BAIAP2L2: variants seen among roughly 807,000 people sequenced by gnomAD.
BAIAP2L2 encodes the protein BAR/IMD domain-containing adapter protein 2-like 2.
A neutral mutation model predicts 60.4 loss-of-function variants in BAIAP2L2; 65 were observed. The ratio of observed to expected loss-of-function variants is 1.08; its 90% CI spans 0.88 to 1.32. The LOEUF is 1.32. Among genes scored for constraint, BAIAP2L2 ranks in the 40% most tolerant of loss-of-function variants. BAIAP2L2 has a pLI of 0.00. For synonymous variants in BAIAP2L2, 344 were observed against 301.7 expected (o/e 1.14, Z -1.45); for missense variants, 836 against 741.2 (o/e 1.13, Z -1.48).
chr22:38,086,210 G>A, intron 12 of BAIAP2L2, 32 bp downstream of exon 12: 1 of 1,598,400 alleles, frequency 6.3e-7, no homozygotes, highest in Non-Finnish European at 8.5e-7. Flanking sequence ...CTGCCCGCTG[G>A]AGGCCCCAAG....
chr22:38,096,592 T>C (rs1377169873), intron 7 of BAIAP2L2, among the ~76,000 whole-genome samples: 2 of 151,916 alleles, frequency 1.3e-5, no homozygotes, highest in African/African-American at 2.4e-5. Flanking sequence ...GAGGGAGAGG[T>C]TGCAGTGAGC....
In BAIAP2L2 at chr22:38,098,169, T is replaced by C; in HGVS notation, c.359A>G (p.Gln120Arg). ...GTGGCGGTACTCGAGCTCATAGTGC[T>C]GGCGGCTGTCCTGGGGTAGGGTGGA... ...LDMQFIKDSR[Q>R]HYELEYRHRA... is the part of the protein sequence containing the mutation. Residue 120 changes from glutamine to arginine, a missense_variant, in exon 6 of 14, where the codon CAG (glutamine) becomes CGG (arginine). Gln to Arg is a conservative substitution (Grantham distance 43). Coordinates refer to ENST00000381669, the MANE Select transcript of BAIAP2L2 (RefSeq NM_025045.6). 4 of 1,614,110 alleles carry C rather than the reference T, an allele frequency of 2.5e-6. No homozygotes were observed. Among genetic ancestry groups the C allele is most frequent in the Non-Finnish European group, 3.4e-6 (4 of 1,180,026 alleles).
intron 2 of BAIAP2L2, among the ~76,000 whole-genome samples, chr22:38,108,845 G>A (rs1032123281): frequency 6.6e-6 from 1 of 151,976 alleles, no homozygotes; most frequent in African/African-American, 2.4e-5. Context: ...GCTGCCCTGG[G>A]GCTGTGTGGG....
At chr22:38,087,096 C>A in intron 11 of BAIAP2L2, 28 bp downstream of exon 11, 1 of 1,516,834 alleles carries the variant, frequency 6.6e-7, no homozygotes, top group Non-Finnish European at 8.8e-7. Context: ...CGTCCTCACC[C>A]CCGCCCCACC....
intron 3 of BAIAP2L2, 120 bp downstream of exon 3, chr22:38,108,133 CAA>C: frequency 9.4e-7 from 1 of 1,068,142 alleles, no homozygotes; most frequent in Non-Finnish European, 1.4e-6. Flanking sequence ...GGCCCCAGAA[CAA>C]GAGTCTGGCT....
chr22:38,101,125 C>T (rs1407798442), intron 4 of BAIAP2L2, among the ~76,000 whole-genome samples: 1 of 151,806 alleles, frequency 6.6e-6, no homozygotes, highest in Non-Finnish European at 1.5e-5. Flanking sequence ...GTAAACTTTA[C>T]CTCAGTAGAA....
chr22:38,086,377 C>G lies in BAIAP2L2; in HGVS notation c.1332G>C (p.Ser444=). ...LDRPGNSIAP[S]EYWDGQSRSR... is the part of the protein sequence containing the mutation. ...AGCGGGACTGGCCATCCCAGTACTC[C>G]GAGGGTGCTATGGAGTTGCCCGGCC... The change falls in exon 12 of 14, where the codon TCG becomes TCC. Residue 444 remains serine (S), a synonymous_variant. Coordinates refer to ENST00000381669, the MANE Select transcript of BAIAP2L2 (RefSeq NM_025045.6). 1.3e-6 allele frequency: 1 copy of G among 764,866 alleles called. No individual in the cohort carries two copies. Among genetic ancestry groups the G allele is most frequent in the Non-Finnish European group, 1.9e-6 (1 of 520,174 alleles). 47.4% of individuals were successfully genotyped at this position (764,866 alleles called of 1,614,324 possible). A position where few individuals can be genotyped will look rare whatever the true frequency, so the allele number is the denominator to read the frequency against.
At position 38,086,953 on chromosome 22, in the gene BAIAP2L2, G is replaced by A. The variant is rs184841352; in HGVS notation, c.1259+171C>T. Among the ~76,000 whole-genome samples, 896 of 145,414 alleles carry A rather than the reference G, an allele frequency of 6.2e-3. 5 individuals carry two copies. The highest frequency in any genetic ancestry group is 0.021 in the African/African-American group (824 of 38,548). ...AGAGGTTGCAGTGAGCCAAGATGGC[G>A]CCACTGCACTCCAGCCTGGGTGACA... On this transcript the variant is annotated intron_variant, in intron 11 of 13. Coordinates refer to ENST00000381669, the MANE Select transcript of BAIAP2L2 (RefSeq NM_025045.6).
intron 7 of BAIAP2L2, 77 bp from the exon 8 acceptor site, chr22:38,089,751 G>A: frequency 8.4e-7 from 1 of 1,193,634 alleles, no homozygotes; most frequent in Non-Finnish European, 1.0e-6. Context: ...TGACACCCTC[G>A]ACCTGAGAGC....
Position 38,089,093 on chromosome 22 carries a change from C to A in BAIAP2L2, c.901+3G>T, listed in dbSNP as rs1601995392. The A allele has an allele frequency of 4.4e-6, 6 of 1,378,974 alleles. No homozygotes were observed. In the East Asian group the frequency reaches 1.8e-4, roughly 41 times the overall value. The allele number at this position is 1,378,974 out of a possible 1,614,324, so 85.4% of individuals were successfully genotyped here. On this transcript the variant is annotated splice_donor_region_variant and intron_variant, in intron 9 of 13. Coordinates refer to ENST00000381669, the MANE Select transcript of BAIAP2L2 (RefSeq NM_025045.6). ...CCTGCCGCCCCGGGGCGGGGGCACT[C>A]ACAGGCCGACGGCGTGCGGGGCAGG...
intron 6 of BAIAP2L2, 26 bp downstream of exon 6, chr22:38,098,037 C>T (rs755008387): frequency 1.3e-6 from 2 of 1,535,578 alleles, no homozygotes; most frequent in South Asian, 2.2e-5. Flanking sequence ...CCTTCCTGGC[C>T]CACCCCCGCT....
chr22:38,089,040 GCCCCAC>G, intron 9 of BAIAP2L2, 50 bp downstream of exon 9: 1 of 1,406,506 alleles, frequency 7.1e-7, no homozygotes, highest in Admixed American at 3.0e-5. Context: ...TCCTGCTGCA[GCCCCAC>G]CCCCGCGCCT....
At chr22:38,087,718 T>C (rs762813115) in intron 10 of BAIAP2L2, among the ~76,000 whole-genome samples, 30 of 151,962 alleles carry the variant, frequency 2.0e-4, no homozygotes, top group Non-Finnish European at 4.0e-4. Context: ...CGCGCCTAAC[T>C]ATGAGTCCCT....
intron 2 of BAIAP2L2, 27 bp downstream of exon 2, chr22:38,109,106 G>A: frequency 6.3e-7 from 1 of 1,590,134 alleles, no homozygotes. Flanking sequence ...CCAGGGCTGG[G>A]GCTCGGTGGC....
chr22:38,088,540 G>A (rs1373040466), intron 10 of BAIAP2L2, among the ~76,000 whole-genome samples: 1 of 152,196 alleles, frequency 6.6e-6, no homozygotes. Context: ...CTCAAGGACC[G>A]TCATCCTGAA....
At chr22:38,105,070 T>C (rs1321947626) in intron 4 of BAIAP2L2, among the ~76,000 whole-genome samples, 1 of 152,188 alleles carries the variant, frequency 6.6e-6, no homozygotes, top group African/African-American at 2.4e-5. Flanking sequence ...TGTTTTAGTT[T>C]ACAATAACAA....
At chr22:38,085,467 C>G in intron 13 of BAIAP2L2, 92 bp from the exon 14 acceptor site, 1 of 1,403,478 alleles carries the variant, frequency 7.1e-7, no homozygotes, top group Non-Finnish European at 1.0e-6. Context: ...GAGCTGGGTC[C>G]TGCCTCCTGC....
Position 38,086,338 on chromosome 22 carries a change from G to T in BAIAP2L2, c.1371C>A (p.Ser457Arg). 2 of 1,481,230 alleles carry T rather than the reference G, an allele frequency of 1.4e-6. No homozygotes were observed. Among genetic ancestry groups the T allele is most frequent in the Middle Eastern group, 1.9e-4 (1 of 5,168 alleles). 91.8% of individuals were successfully genotyped at this position (1,481,230 alleles called of 1,614,324 possible). A position where few individuals can be genotyped will look rare whatever the true frequency, so the allele number is the denominator to read the frequency against. ...WDGQSRSRTP[S>R]RVPSRAPSPA... ...GGCTGGGGGCACGGCTTGGCACCCG[G>T]CTTGGGGTGCGGGAGCGGGACTGGC... The change falls in exon 12 of 14, where the codon AGC (serine) becomes AGA (arginine). Residue 457 changes from serine (S) to arginine (R), a missense_variant. Physicochemically the swap from Ser to Arg is moderately radical, Grantham distance 110 (BLOSUM62 -1). Transcript: ENST00000381669.
Position 38,088,753 on chromosome 22 carries a change from C to G in BAIAP2L2, c.1113G>C (p.Ser371=), listed in dbSNP as rs376964284. ...CCTCCAAGGCTCCCACTCACGCGGA[C>G]GAGCCCTCCAGCTTGCCGTAGAGCC... The part of the protein sequence containing the change: ...NGWLYGKLEG[S]SASGWFPEAY... The change falls in exon 10 of 14, where the codon TCG becomes TCC. Residue 371 remains serine (S), a synonymous_variant. Coordinates refer to ENST00000381669, the MANE Select transcript of BAIAP2L2 (RefSeq NM_025045.6). The G allele has an allele frequency of 6.3e-7, 1 of 1,597,698 alleles. No individual in the cohort carries two copies. The highest frequency in any genetic ancestry group is 8.5e-7 in the Non-Finnish European group (1 of 1,178,484).
Sources: gnomAD v4.1 joint callset for allele counts (sites outside exome capture counted in the v4.1 genomes callset) on GRCh38, gnomAD v4.1.1 for gene constraint, MANE v1.5 for transcripts, NCBI Gene and HGNC (gene_info 2026-07-23, HGNC 2026-07-21) for gene names.